Variants in ADAMTSL3 observed in about 807,000 individuals in gnomAD.
ADAMTSL3 encodes ADAMTS like 3.
Under a neutral mutation model 201.7 loss-of-function variants are expected in ADAMTSL3, and 128 were observed. The ratio of observed to expected loss-of-function variants is 0.63; its 90% CI spans 0.55 to 0.73. ADAMTSL3 has a LOEUF of 0.73. ADAMTSL3 is among the 30% of genes least tolerant of loss of function. The probability of loss-of-function intolerance (pLI) is 0.00; values close to 1 mark genes in which losing one functional copy is unlikely to be tolerated. For synonymous variants in ADAMTSL3, 738 were observed against 748.4 expected (o/e 0.99, Z 0.23); for missense variants, 1,990 against 2,119.6 (o/e 0.94, Z 1.20).
Position 83,654,695 on chromosome 15 carries a change from C to T in ADAMTSL3, c.-34+419C>T, listed in dbSNP as rs887245990. On this transcript the variant is annotated intron_variant, in intron 1 of 29. Transcript: ENST00000286744. The surrounding 1 kb of genome is among the most constrained non-coding windows in gnomAD (Gnocchi z 5.3). ...GCGACGCGCGATCGTGGAAAGTGGG[C>T]GTGGGGGTGACCGGGACGCGGCGGA... is the stretch of plus-strand genomic sequence containing the variant. Among the ~76,000 whole-genome samples, 1 of 152,014 alleles carries T rather than the reference C, an allele frequency of 6.6e-6. No homozygotes were observed.
At chr15:83,734,768 G>C (rs2062341966) in intron 3 of ADAMTSL3, among the ~76,000 whole-genome samples, 1 of 152,168 alleles carries the variant, frequency 6.6e-6, no homozygotes, top group African/African-American at 2.4e-5. Flanking sequence ...ATTATGCCCA[G>C]ATTGCCCCCA....
intron 29 of ADAMTSL3, 81 bp downstream of exon 29, chr15:84,037,068 A>C: frequency 7.1e-7 from 1 of 1,405,430 alleles, no homozygotes; most frequent in Non-Finnish European, 9.9e-7. Flanking sequence ...ACGGCACCAA[A>C]CCCTGCTAGT....
At chr15:83,701,896 G>A (rs2061783507) in intron 2 of ADAMTSL3, among the ~76,000 whole-genome samples, 1 of 152,176 alleles carries the variant, frequency 6.6e-6, no homozygotes, top group Non-Finnish European at 1.5e-5. Context: ...TTTGGAACTG[G>A]GTAACAAGCA....
intron 24 of ADAMTSL3, among the ~76,000 whole-genome samples, chr15:84,016,053 G>A (rs375755617): frequency 6.6e-6 from 1 of 152,274 alleles, no homozygotes; most frequent in East Asian, 1.9e-4. Flanking sequence ...CTCTTAAGAG[G>A]CAGAGCTCTA....
intron 19 of ADAMTSL3, among the ~76,000 whole-genome samples, chr15:83,968,361 G>T (rs144634298): frequency 2.0e-3 from 299 of 152,324 alleles, no homozygotes; most frequent in Admixed American, 3.4e-3. Context: ...AAAAGTGGGT[G>T]AAGGATATGA....
intron 13 of ADAMTSL3, among the ~76,000 whole-genome samples, chr15:83,896,504 G>T (rs1471463448): frequency 6.6e-6 from 1 of 152,124 alleles, no homozygotes; most frequent in Non-Finnish European, 1.5e-5. Context: ...TATATTAAAT[G>T]ATGTATTAGT....
intron 22 of ADAMTSL3, among the ~76,000 whole-genome samples, chr15:83,990,235 G>A (rs889695564): frequency 4.6e-5 from 7 of 152,102 alleles, no homozygotes; most frequent in Non-Finnish European, 1.0e-4. Context: ...AACAAGAATC[G>A]TGGCCTCCTA....
intron 21 of ADAMTSL3, among the ~76,000 whole-genome samples, chr15:83,987,747 C>T (rs188730516): frequency 2.8e-4 from 42 of 152,104 alleles, no homozygotes; most frequent in East Asian, 1.9e-4. Flanking sequence ...AAGCATAGAG[C>T]GAACGACATG....
At chr15:83,859,393 G>C (rs964646685) in intron 8 of ADAMTSL3, among the ~76,000 whole-genome samples, 5 of 152,202 alleles carry the variant, frequency 3.3e-5, no homozygotes, top group African/African-American at 1.2e-4. Flanking sequence ...ACAAAGAAAG[G>C]CAGTCAGAGT....
chr15:84,031,268 T>G, intron 27 of ADAMTSL3, 67 bp from the exon 28 acceptor site: 9 of 1,489,576 alleles, frequency 6.0e-6, no homozygotes, highest in Non-Finnish European at 8.4e-6. Context: ...CCTCAGTACA[T>G]GATCTTAGTA....
Sources: gnomAD v4.1 joint callset for allele counts (sites outside exome capture counted in the v4.1 genomes callset) on GRCh38, gnomAD v4.1.1 for gene constraint, Gnocchi (gnomAD v3.1) non-coding constraint, MANE v1.5 for transcripts, NCBI Gene and HGNC (gene_info 2026-07-23, HGNC 2026-07-21) for gene names.